Variants in ST3GAL3 observed in about 807,000 individuals in gnomAD.
ST3GAL3 encodes the protein CMP-N-acetylneuraminate-beta-1,4-galactoside alpha-2,3-sialyltransferase.
In ST3GAL3, 21 loss-of-function variants were observed where a neutral mutation model predicts 50.1. The observed-to-expected ratio is 0.42, with a 90% CI of 0.30 to 0.60. The LOEUF (loss-of-function observed/expected upper bound fraction) is 0.60. Ranked by LOEUF, ST3GAL3 falls within the 20% of genes least tolerant of loss-of-function variation. The pLI, the probability that ST3GAL3 is intolerant of heterozygous loss-of-function variation, is 0.19. For missense variants in ST3GAL3, 353 were observed against 489.4 expected, an observed-to-expected ratio of 0.72 and a Z score of 2.63; for synonymous variants, 183 against 190.0, an observed-to-expected ratio of 0.96 and a Z score of 0.30.
intron 3 of ST3GAL3, among the ~76,000 whole-genome samples, chr1:43,798,685 A>T (rs1038097729): frequency 1.4e-4 from 22 of 152,222 alleles, no homozygotes; most frequent in Non-Finnish European, 3.2e-4. Flanking sequence ...TCTCTAAAAA[A>T]GTATGTCTTC....
At chr1:43,728,294 G>T (rs188368400) in intron 1 of ST3GAL3, among the ~76,000 whole-genome samples, 1 of 151,922 alleles carries the variant, frequency 6.6e-6, no homozygotes, top group African/African-American at 2.4e-5. Context: ...AGCTGAAATC[G>T]CACCATTGCA....
intron 2 of ST3GAL3, among the ~76,000 whole-genome samples, chr1:43,787,164 T>C (rs1477286100): frequency 1.3e-5 from 2 of 152,238 alleles, no homozygotes; most frequent in Non-Finnish European, 2.9e-5. Context: ...AGCAAGGCTG[T>C]GCTGTACTTT....
intron 5 of ST3GAL3, among the ~76,000 whole-genome samples, chr1:43,846,625 A>G (rs1205397876): frequency 6.6e-6 from 1 of 152,096 alleles, no homozygotes; most frequent in Non-Finnish European, 1.5e-5. Context: ...CAGCCTCTCA[A>G]GTAGCTGGGA....
At chr1:43,801,543 T>C in intron 3 of ST3GAL3, 1 of 357,868 alleles carries the variant, frequency 2.8e-6, no homozygotes, top group East Asian at 7.4e-5. Context: ...CGTCAGAATG[T>C]AGGTAGGAAG....
chr1:43,857,628 C>T (rs2068829610), intron 5 of ST3GAL3, among the ~76,000 whole-genome samples: 1 of 146,410 alleles, frequency 6.8e-6, no homozygotes, highest in Non-Finnish European at 1.5e-5. Context: ...TCCTTCCTTC[C>T]TTCCTTCCTC....
chr1:43,779,465 A>T (rs1010679293), intron 2 of ST3GAL3, among the ~76,000 whole-genome samples: 5 of 152,282 alleles, frequency 3.3e-5, no homozygotes, highest in Admixed American at 6.5e-5. Context: ...TATCACCACT[A>T]GTTGACTTCC....
chr1:43,840,873 C>T (rs2065254410), intron 5 of ST3GAL3: 1 of 152,302 alleles, frequency 6.6e-6, no homozygotes, highest in Non-Finnish European at 1.5e-5. Flanking sequence ...AAAATCAAAA[C>T]AAGTTGCTTA....
intron 11 of ST3GAL3, among the ~76,000 whole-genome samples, chr1:43,924,737 C>G (rs1324149326): frequency 6.6e-6 from 1 of 152,214 alleles, no homozygotes; most frequent in African/African-American, 2.4e-5. Flanking sequence ...GGCGATTAGT[C>G]AGAGGCAAGA....
At chr1:43,916,651 C>A (rs77872650) in intron 9 of ST3GAL3, 1 of 152,102 alleles carries the variant, frequency 6.6e-6, no homozygotes, top group Non-Finnish European at 1.5e-5. Flanking sequence ...GGCTCGATCA[C>A]GGCTCACTGC....
At chr1:43,922,178 C>G (rs2083143490) in intron 11 of ST3GAL3, 1 of 154,680 alleles carries the variant, frequency 6.5e-6, no homozygotes, top group African/African-American at 2.4e-5. Flanking sequence ...GCAGCCTGGG[C>G]AACATGGTGA....
chr1:43,925,060 C>T (rs1393443081), intron 11 of ST3GAL3, among the ~76,000 whole-genome samples: 3 of 152,168 alleles, frequency 2.0e-5, no homozygotes, highest in East Asian at 1.9e-4. Context: ...GAAGCTGAGG[C>T]GGGTGGATCA....
At chr1:43,750,896 T>A (rs971390220) in intron 2 of ST3GAL3, among the ~76,000 whole-genome samples, 1 of 152,090 alleles carries the variant, frequency 6.6e-6, no homozygotes, top group Non-Finnish European at 1.5e-5. Context: ...AAAAAAAAGC[T>A]ATCTTTTATT....
At chr1:43,781,608 CAA>C (rs34427804) in intron 2 of ST3GAL3, among the ~76,000 whole-genome samples, 3 of 123,712 alleles carry the variant, frequency 2.4e-5, no homozygotes. Context: ...AAGACTGTCT[CAA>C]AAAAAAAAAA....
intron 2 of ST3GAL3, among the ~76,000 whole-genome samples, chr1:43,790,718 G>A (rs1476804492): frequency 1.4e-5 from 2 of 146,512 alleles, no homozygotes; most frequent in African/African-American, 5.1e-5. Context: ...TGCAACCTCC[G>A]CCTCCCAGGT....
intron 4 of ST3GAL3, among the ~76,000 whole-genome samples, chr1:43,819,903 G>A (rs2061871186): frequency 6.6e-6 from 1 of 151,980 alleles, no homozygotes; most frequent in East Asian, 1.9e-4. Context: ...ATTTGTTTAG[G>A]GTAATGACTT....
chr1:43,783,978 G>A (rs1293990430), intron 2 of ST3GAL3, among the ~76,000 whole-genome samples: 3 of 152,060 alleles, frequency 2.0e-5, no homozygotes, highest in Non-Finnish European at 4.4e-5. Context: ...AGATTGTATG[G>A]ACTGGTTCCC....
At chr1:43,927,062 GCTCACGCCTGTAAT>G (rs1227864237) in intron 11 of ST3GAL3, among the ~76,000 whole-genome samples, 1 of 152,146 alleles carries the variant, frequency 6.6e-6, no homozygotes, top group East Asian at 1.9e-4. Context: ...GGGCGTGGTG[GCTCACGCCTGTAAT>G]CTCAGCACTT....
chr1:43,860,722 C>T (rs1173528679), intron 5 of ST3GAL3, among the ~76,000 whole-genome samples: 1 of 152,236 alleles, frequency 6.6e-6, no homozygotes, highest in African/African-American at 2.4e-5. Flanking sequence ...AGCCCCTTTC[C>T]CTAACCCCTG....
chr1:43,763,888 A>C (rs1691525857), intron 2 of ST3GAL3, among the ~76,000 whole-genome samples: 1 of 152,242 alleles, frequency 6.6e-6, no homozygotes, highest in Non-Finnish European at 1.5e-5. Flanking sequence ...CCTCTCTCAG[A>C]GCTTGAATAT....
Sources: allele counts gnomAD v4.1 joint callset (sites outside exome capture counted in the v4.1 genomes callset), GRCh38; gene constraint gnomAD v4.1.1; transcripts MANE v1.5; gene names NCBI Gene and HGNC (gene_info 2026-07-23, HGNC 2026-07-21).